The following ADARB2 variants were observed in gnomAD, a reference collection of about 807,000 sequenced individuals.
ADARB2 encodes inactive double-stranded RNA-specific editase B2.
Under a neutral mutation model 62.2 loss-of-function variants are expected in ADARB2, and 25 were observed. The ratio of observed to expected loss-of-function variants is 0.40; its 90% CI spans 0.29 to 0.56. The LOEUF (loss-of-function observed/expected upper bound fraction) is 0.56, where lower values mean the gene tolerates loss of function less well. Among genes scored for constraint, ADARB2 ranks in the 20% least tolerant of loss-of-function variants. ADARB2 has a pLI of 0.43. For missense variants in ADARB2, 1,071 were observed against 1,077.4 expected (o/e 0.99, Z 0.08); for synonymous variants, 572 against 500.8 (o/e 1.14, Z -1.90).
chr10:1,623,597 G>A (rs1309121741), intron 1 of ADARB2, among the ~76,000 whole-genome samples: 4 of 152,200 alleles, frequency 2.6e-5, no homozygotes, highest in Non-Finnish European at 5.9e-5. Flanking sequence ...ACCGTGAGCC[G>A]TAACTGCTTT....
intron 1 of ADARB2, among the ~76,000 whole-genome samples, chr10:1,452,978 G>C (rs1286405789): frequency 6.6e-6 from 1 of 152,184 alleles, no homozygotes; most frequent in Admixed American, 6.5e-5. Flanking sequence ...CCTCAGTGGG[G>C]TTGGGCCGGG....
chr10:1,546,362 C>G (rs1026161086), intron 1 of ADARB2, among the ~76,000 whole-genome samples: 1 of 152,180 alleles, frequency 6.6e-6, no homozygotes, highest in African/African-American at 2.4e-5. Flanking sequence ...ACTTACAGAC[C>G]GGCCTCCACG....
intron 4 of ADARB2, among the ~76,000 whole-genome samples, chr10:1,246,753 GT>G (rs1317355123): frequency 6.8e-6 from 1 of 147,510 alleles, no homozygotes; most frequent in East Asian, 2.0e-4. Flanking sequence ...TTGTAATATA[GT>G]TTGAAGTCAG....
chr10:1,684,232 T>C (rs561989192), intron 1 of ADARB2, among the ~76,000 whole-genome samples: 11 of 152,154 alleles, frequency 7.2e-5, no homozygotes, highest in Non-Finnish European at 1.5e-4. Flanking sequence ...CTTAGAGAAG[T>C]TTTCTGAGAA....
At chr10:1,530,444 T>G (rs948164481) in intron 1 of ADARB2, among the ~76,000 whole-genome samples, 6 of 152,118 alleles carry the variant, frequency 3.9e-5, no homozygotes, top group Admixed American at 2.6e-4. Context: ...GCCTGCCAGG[T>G]CCTCGTGAGT....
chr10:1,614,766 C>T (rs987884606), intron 1 of ADARB2, among the ~76,000 whole-genome samples: 3 of 152,104 alleles, frequency 2.0e-5, no homozygotes, highest in Non-Finnish European at 2.9e-5. Flanking sequence ...AAAAAATTAG[C>T]CGGGTGTGGT....
intron 1 of ADARB2, among the ~76,000 whole-genome samples, chr10:1,719,835 C>T (rs1380803618): frequency 1.3e-5 from 2 of 152,180 alleles, no homozygotes; most frequent in Non-Finnish European, 1.5e-5. Flanking sequence ...ATCAAAATCA[C>T]CATGCAATAC....
intron 1 of ADARB2, among the ~76,000 whole-genome samples, chr10:1,513,722 C>G (rs976970196): frequency 6.6e-6 from 1 of 152,158 alleles, no homozygotes; most frequent in African/African-American, 2.4e-5. Flanking sequence ...CAGGAACAAC[C>G]AGGGATTTGC....
At chr10:1,678,245 C>T (rs1005910153) in intron 1 of ADARB2, 39 of 985,068 alleles carry the variant, frequency 4.0e-5, no homozygotes, top group Middle Eastern at 5.2e-4. Context: ...TGAGTGTCCT[C>T]GGGGTGAGCA....
intron 9 of ADARB2, 45 bp from the exon 10 acceptor site, chr10:1,183,414 A>G: frequency 6.3e-7 from 1 of 1,593,006 alleles, no homozygotes; most frequent in Non-Finnish European, 8.6e-7. Context: ...CCAGCAGAAA[A>G]GGAGCTTCTG....
At chr10:1,571,727 T>TGGACAG (rs1832936941) in intron 1 of ADARB2, among the ~76,000 whole-genome samples, 3 of 128,178 alleles carry the variant, frequency 2.3e-5, no homozygotes, top group Non-Finnish European at 4.8e-5. Context: ...TGCTGGTGAG[T>TGGACAG]GTGCAGGTGA....
rs375184599 is a variant in ADARB2 at position 1,232,104 on chromosome 10, C to G, written c.1513+1590G>C. On this transcript the variant is annotated intron_variant, in intron 6 of 9. Coordinates refer to ENST00000381312, the MANE Select transcript of ADARB2 (RefSeq NM_018702.4). ...TGTATGTCTGCCAGAGATTTCCTCC[C>G]TCATCAGGACTGGACTCCTCATCAT... 8.6e-4 allele frequency among the ~76,000 whole-genome samples: 131 copies of G among 152,272 alleles called. 2 individuals are homozygous for G. The South Asian group carries it at 0.016, about 18-fold the overall frequency.
intron 3 of ADARB2, among the ~76,000 whole-genome samples, chr10:1,335,077 G>A (rs774286327): frequency 5.3e-5 from 8 of 152,156 alleles, no homozygotes; most frequent in South Asian, 2.1e-4. Context: ...CAAGTCTTAC[G>A]TGTGTGCGTT....
chr10:1,414,317 G>T (rs1363146230), intron 1 of ADARB2, among the ~76,000 whole-genome samples: 2 of 152,206 alleles, frequency 1.3e-5, no homozygotes, highest in East Asian at 1.9e-4. Flanking sequence ...GGTGGCCAGG[G>T]TCTAAAACCC....
rs1487593150 is a variant in ADARB2 at position 1,182,501 on chromosome 10, C to T, written c.*692G>A. 1 of 153,098 alleles carries T rather than the reference C, an allele frequency of 6.5e-6. No homozygotes were observed. Among genetic ancestry groups the T allele is most frequent in the East Asian group, 1.9e-4 (1 of 5,180 alleles). The allele number at this position is 153,098 out of a possible 1,614,324, so 9.5% of individuals were successfully genotyped here. Reference sequence around the variant, plus strand: ...CCAGGCTCCCCACATCTGCAGCACGCGTGGGCCGGGTGTTTCCAGGCTCCC... The same window carrying T: ...CCAGGCTCCCCACATCTGCAGCACGTGTGGGCCGGGTGTTTCCAGGCTCCC... On this transcript the variant is annotated 3_prime_UTR_variant, in exon 10 of 10. Coordinates refer to ENST00000381312, the MANE Select transcript of ADARB2 (RefSeq NM_018702.4).
intron 1 of ADARB2, among the ~76,000 whole-genome samples, chr10:1,640,053 ACTGG>A (rs1833962232): frequency 6.6e-6 from 1 of 152,108 alleles, no homozygotes; most frequent in Admixed American, 6.6e-5. Flanking sequence ...GCCCGTAAAC[ACTGG>A]ATGCCATCGA....
chr10:1,625,386 C>T (rs1833754395), intron 1 of ADARB2, among the ~76,000 whole-genome samples: 2 of 152,196 alleles, frequency 1.3e-5, no homozygotes, highest in Admixed American at 1.3e-4. Context: ...GAGGGCTGGC[C>T]CATCAGGGGC....
At chr10:1,571,092 G>A (rs755034804) in intron 1 of ADARB2, among the ~76,000 whole-genome samples, 1 of 152,132 alleles carries the variant, frequency 6.6e-6, no homozygotes, top group Non-Finnish European at 1.5e-5. Flanking sequence ...GAAAGAATCA[G>A]CATTTCTAAG....
At chr10:1,202,255 TG>T (rs1836996208) in intron 7 of ADARB2, among the ~76,000 whole-genome samples, 1 of 151,966 alleles carries the variant, frequency 6.6e-6, no homozygotes, top group South Asian at 2.1e-4. Context: ...TGTGTGTGTG[TG>T]TGTTTTTTTT....
Sources: allele counts gnomAD v4.1 joint callset (sites outside exome capture counted in the v4.1 genomes callset), GRCh38; gene constraint gnomAD v4.1.1; transcripts MANE v1.5; gene names NCBI Gene and HGNC (gene_info 2026-07-23, HGNC 2026-07-21).